The following SERP2 variants were observed in gnomAD, a reference collection of about 807,000 sequenced individuals.
SERP2 encodes the protein stress associated endoplasmic reticulum protein family member 2, also known as stress-associated endoplasmic reticulum protein 2.
SERP2 carries 6 observed loss-of-function variants against 9.1 expected under a neutral mutation model. That is an observed-to-expected ratio of 0.66 (90% CI 0.36 to 1.30). The LOEUF is 1.30. Among genes scored for constraint, SERP2 ranks in the 50% most tolerant of loss-of-function variants. SERP2 has a pLI of 0.03. For missense variants in SERP2, 58 were observed against 81.9 expected (o/e 0.71, Z 1.13); for synonymous variants, 37 against 27.3 (o/e 1.35, Z -1.10).
intron 2 of SERP2, chr13:44,390,296 T>TCCACCC: frequency 5.3e-6 from 1 of 188,776 alleles, no homozygotes; most frequent in South Asian, 5.1e-5. Context: ...GCCACCGGTG[T>TCCACCC]CCCCACCCAC....
Position 44,379,700 on chromosome 13 carries a change from T to C in SERP2, c.144T>C (p.Val48=). ...GGCTGTTGGCACTGTTTGTTTTTGT[T>C]GTCTGTGGCTCAGGTATGGGTGTTT... is the stretch of plus-strand genomic sequence containing the variant. ...GPWLLALFVF[V]VCGSAIFQII... The change falls in exon 2 of 3, where the codon GTT becomes GTC. Residue 48 remains valine, a synonymous_variant. Coordinates refer to ENST00000379179, the MANE Select transcript of SERP2 (RefSeq NM_001010897.3). The C allele has an allele frequency of 6.2e-7, 1 of 1,612,582 alleles. No individual in the cohort carries two copies. Among genetic ancestry groups the C allele is most frequent in the Non-Finnish European group, 8.5e-7 (1 of 1,179,006 alleles).
intron 2 of SERP2, among the ~76,000 whole-genome samples, chr13:44,393,443 T>C (rs1872898619): frequency 6.6e-6 from 1 of 152,158 alleles, no homozygotes; most frequent in Non-Finnish European, 1.5e-5. Context: ...TTGACACAGG[T>C]AGGAGGATGC....
At chr13:44,381,825 A>G (rs1871997411) in intron 2 of SERP2, among the ~76,000 whole-genome samples, 1 of 152,128 alleles carries the variant, frequency 6.6e-6, no homozygotes, top group African/African-American at 2.4e-5. Flanking sequence ...TCTCCATCAC[A>G]TATTATTTTA....
At chr13:44,381,279 C>G (rs564936359) in intron 2 of SERP2, among the ~76,000 whole-genome samples, 3 of 150,106 alleles carry the variant, frequency 2.0e-5, no homozygotes, top group Middle Eastern at 3.5e-3. Flanking sequence ...CAGTGGCTCA[C>G]GCCTGTAATC....
At chr13:44,395,119 T>C (rs1873012634) in intron 2 of SERP2, among the ~76,000 whole-genome samples, 1 of 152,232 alleles carries the variant, frequency 6.6e-6, no homozygotes, top group Non-Finnish European at 1.5e-5. Context: ...GTCTGAGGCA[T>C]GGTAGAAGTA....
intron 1 of SERP2, among the ~76,000 whole-genome samples, chr13:44,374,368 G>T (rs1350626639): frequency 6.6e-6 from 1 of 152,182 alleles, no homozygotes; most frequent in East Asian, 1.9e-4. Flanking sequence ...CCAGGGAGGC[G>T]CAGAGGAGCC....
At chr13:44,380,973 A>G (rs1417284352) in intron 2 of SERP2, among the ~76,000 whole-genome samples, 1 of 152,212 alleles carries the variant, frequency 6.6e-6, no homozygotes, top group African/African-American at 2.4e-5. Flanking sequence ...GATATTTTAA[A>G]GATGACTGCC....
intron 1 of SERP2, among the ~76,000 whole-genome samples, chr13:44,376,566 G>A (rs1416333275): frequency 6.6e-6 from 1 of 152,098 alleles, no homozygotes; most frequent in East Asian, 1.9e-4. Context: ...CCTGAGGTCA[G>A]GAGTTCGAAA....
intron 2 of SERP2, chr13:44,391,201 C>T (rs1414955756): frequency 6.6e-6 from 1 of 152,098 alleles, no homozygotes; most frequent in East Asian, 1.9e-4. Context: ...AGGGTCAGTC[C>T]CCAGGGTGAG....
At chr13:44,374,449 A>C (rs1417508059) in intron 1 of SERP2, among the ~76,000 whole-genome samples, 2 of 152,244 alleles carry the variant, frequency 1.3e-5, no homozygotes, top group East Asian at 3.9e-4. Context: ...AGAAAGACGG[A>C]AAGCCTCATC....
intron 1 of SERP2, among the ~76,000 whole-genome samples, chr13:44,378,602 T>G (rs971260550): frequency 1.3e-5 from 2 of 152,230 alleles, no homozygotes; most frequent in African/African-American, 4.8e-5. Flanking sequence ...GTGAATTCTT[T>G]AACGTGTGTT....
At chr13:44,396,463 ATGGT>A (rs1873111118) in intron 2 of SERP2, among the ~76,000 whole-genome samples, 1 of 151,612 alleles carries the variant, frequency 6.6e-6, no homozygotes, top group South Asian at 2.1e-4. Context: ...CATTCAATAC[ATGGT>A]AGTTACTCTT....
intron 2 of SERP2, among the ~76,000 whole-genome samples, chr13:44,382,585 G>A (rs1396130036): frequency 6.6e-6 from 1 of 152,048 alleles, no homozygotes; most frequent in Non-Finnish European, 1.5e-5. Context: ...GTCAGACCTT[G>A]AACTTTAAGC....
chr13:44,374,191 T>C, intron 1 of SERP2, 82 bp downstream of exon 1: 1 of 845,112 alleles, frequency 1.2e-6, no homozygotes, highest in Non-Finnish European at 1.7e-6. Context: ...GCCGGGCGGG[T>C]AGCGGCGCAG....
intron 2 of SERP2, among the ~76,000 whole-genome samples, chr13:44,389,206 C>T (rs918849337): frequency 3.3e-5 from 5 of 152,206 alleles, no homozygotes; most frequent in Admixed American, 2.0e-4. Flanking sequence ...AGCATGTGCA[C>T]ATGCCATAGG....
intron 2 of SERP2, among the ~76,000 whole-genome samples, chr13:44,383,031 G>A (rs964120368): frequency 6.6e-6 from 1 of 152,168 alleles, no homozygotes; most frequent in African/African-American, 2.4e-5. Context: ...GCCAGACAAA[G>A]GGTGTGAGGA....
At chr13:44,390,549 G>A (rs1872622927) in intron 2 of SERP2, 2 of 416,940 alleles carry the variant, frequency 4.8e-6, no homozygotes, top group Non-Finnish European at 9.7e-6. Context: ...ACAGCCTGAA[G>A]ACATCTCATC....
intron 2 of SERP2, among the ~76,000 whole-genome samples, chr13:44,395,497 G>A (rs571590998): frequency 4.6e-5 from 7 of 151,774 alleles, no homozygotes; most frequent in East Asian, 1.9e-4. Context: ...CCAGCTACTC[G>A]GGAGCCTGAG....
At chr13:44,378,360 C>T (rs575830980) in intron 1 of SERP2, among the ~76,000 whole-genome samples, 5 of 152,216 alleles carry the variant, frequency 3.3e-5, no homozygotes, top group Non-Finnish European at 5.9e-5. Context: ...GATGATAGCA[C>T]CACTCGTTTT....
Sources: gnomAD v4.1 joint callset for allele counts (sites outside exome capture counted in the v4.1 genomes callset) on GRCh38, gnomAD v4.1.1 for gene constraint, MANE v1.5 for transcripts, NCBI Gene and HGNC (gene_info 2026-07-23, HGNC 2026-07-21) for gene names.